KCNH5: variants seen among roughly 807,000 people sequenced by gnomAD.
The protein encoded by KCNH5 is voltage-gated delayed rectifier potassium channel KCNH5.
A neutral mutation model predicts 96.1 loss-of-function variants in KCNH5; 46 were observed. That is an observed-to-expected ratio of 0.48 (90% CI 0.38 to 0.61). The LOEUF is 0.61. KCNH5 is among the 20% of genes least tolerant of loss of function. The probability of loss-of-function intolerance (pLI) is 0.00; values close to 1 mark genes in which losing one functional copy is unlikely to be tolerated. For missense variants in KCNH5, 907 were observed against 1,225.8 expected, an observed-to-expected ratio of 0.74 and a Z score of 3.88; for synonymous variants, 439 against 449.8, an observed-to-expected ratio of 0.98 and a Z score of 0.30.
At chr14:62,790,068 C>CTT (rs35827048) in intron 9 of KCNH5, among the ~76,000 whole-genome samples, 16 of 148,172 alleles carry the variant, frequency 1.1e-4, no homozygotes, top group East Asian at 5.9e-4. Context: ...TTTGAGTTGA[C>CTT]TTTTTTTTTT....
chr14:63,018,950 G>T (rs931221942), intron 1 of KCNH5, among the ~76,000 whole-genome samples: 1 of 151,886 alleles, frequency 6.6e-6, no homozygotes, highest in Non-Finnish European at 1.5e-5. Flanking sequence ...TATTGGATTG[G>T]TTTAACAGCA....
At chr14:62,946,393 T>C (rs1294771061) in intron 7 of KCNH5, among the ~76,000 whole-genome samples, 1 of 152,174 alleles carries the variant, frequency 6.6e-6, no homozygotes, top group Non-Finnish European at 1.5e-5. Flanking sequence ...AAATTGAACA[T>C]ACACTTATCA....
At chr14:62,722,480 G>T (rs557644705) in intron 10 of KCNH5, among the ~76,000 whole-genome samples, 28 of 152,086 alleles carry the variant, frequency 1.8e-4, no homozygotes, top group African/African-American at 6.5e-4. Context: ...TCTAACCAAG[G>T]TTCATTGGAC....
intron 6 of KCNH5, among the ~76,000 whole-genome samples, chr14:62,955,719 T>A (rs1890091289): frequency 6.6e-6 from 1 of 152,182 alleles, no homozygotes; most frequent in South Asian, 2.1e-4. Context: ...CCTCTTTCCC[T>A]CCACTCAGTC....
intron 7 of KCNH5, 72 bp downstream of exon 7, chr14:62,950,061 A>T: frequency 7.4e-7 from 1 of 1,345,712 alleles, no homozygotes; most frequent in Non-Finnish European, 1.1e-6. Context: ...GTTCGTTTTC[A>T]TCCTATCTGA....
chr14:62,888,939 A>G (rs182776478), intron 7 of KCNH5, among the ~76,000 whole-genome samples: 2 of 152,336 alleles, frequency 1.3e-5, no homozygotes, highest in South Asian at 2.1e-4. Flanking sequence ...CTTAGCCACA[A>G]GAATATCTAA....
chr14:62,907,782 C>T (rs144205811), intron 7 of KCNH5, among the ~76,000 whole-genome samples: 18 of 152,284 alleles, frequency 1.2e-4, no homozygotes, highest in South Asian at 2.1e-4. Flanking sequence ...CTGGCTGGAG[C>T]GGCAAGTGAC....
intron 5 of KCNH5, 107 bp from the exon 6 acceptor site, chr14:62,981,371 C>T (rs1316490444): frequency 4.2e-5 from 45 of 1,071,734 alleles, no homozygotes; most frequent in Non-Finnish European, 5.4e-5. Context: ...GCTCCACAGT[C>T]TTGCCTCCCT....
chr14:62,942,207 T>A (rs368769148), intron 7 of KCNH5, among the ~76,000 whole-genome samples: 2 of 152,156 alleles, frequency 1.3e-5, no homozygotes, highest in Non-Finnish European at 2.9e-5. Context: ...GACAGGGGCA[T>A]AAATGCACCA....
chr14:62,999,926 T>G (rs1271286452), intron 4 of KCNH5, among the ~76,000 whole-genome samples: 6 of 151,868 alleles, frequency 4.0e-5, no homozygotes, highest in African/African-American at 1.2e-4. Context: ...GACTGTTCAA[T>G]TTAAAAGTAG....
intron 7 of KCNH5, among the ~76,000 whole-genome samples, chr14:62,879,921 G>T (rs769831479): frequency 7.2e-5 from 11 of 152,070 alleles, no homozygotes; most frequent in Non-Finnish European, 1.3e-4. Flanking sequence ...TAAATTTACA[G>T]AATTAAAGCA....
At chr14:62,908,782 A>ACTTTTT (rs71451284) in intron 7 of KCNH5, among the ~76,000 whole-genome samples, 10 of 23,716 alleles carry the variant, frequency 4.2e-4, no homozygotes, top group African/African-American at 1.6e-3. Context: ...TTTGCTTTGT[A>ACTTTTT]TTTTTTTTTT....
intron 8 of KCNH5, among the ~76,000 whole-genome samples, chr14:62,843,629 C>T (rs1887631067): frequency 6.6e-6 from 1 of 151,988 alleles, no homozygotes; most frequent in Non-Finnish European, 1.5e-5. Flanking sequence ...CCAGGATGGT[C>T]TCGATCTCCT....
chr14:62,711,091 T>A (rs1345181188), intron 10 of KCNH5, among the ~76,000 whole-genome samples: 1 of 152,168 alleles, frequency 6.6e-6, no homozygotes, highest in Non-Finnish European at 1.5e-5. Flanking sequence ...TCTTTGAATA[T>A]AATGGCTAAT....
chr14:62,959,096 C>T (rs1184155179), intron 6 of KCNH5, among the ~76,000 whole-genome samples: 1 of 152,058 alleles, frequency 6.6e-6, no homozygotes, highest in Non-Finnish European at 1.5e-5. Context: ...ACCCAACCTA[C>T]CTTAAAATCC....
chr14:62,882,188 C>T (rs1045850445), intron 7 of KCNH5, among the ~76,000 whole-genome samples: 7 of 150,842 alleles, frequency 4.6e-5, no homozygotes, highest in African/African-American at 1.5e-4. Flanking sequence ...GGCTTGGGCC[C>T]ACATGTTCAA....
At chr14:62,865,319 G>A (rs988196612) in intron 7 of KCNH5, among the ~76,000 whole-genome samples, 1 of 141,096 alleles carries the variant, frequency 7.1e-6, no homozygotes, top group Non-Finnish European at 1.5e-5. Flanking sequence ...GGTGAATAAG[G>A]GTAAAATGCT....
At chr14:62,783,294 C>T (rs981336435) in intron 9 of KCNH5, among the ~76,000 whole-genome samples, 22 of 152,182 alleles carry the variant, frequency 1.4e-4, no homozygotes, top group Non-Finnish European at 8.8e-5. Flanking sequence ...TTTATTTTGT[C>T]TTATAATTTG....
chr14:62,874,255 A>G (rs1227399359), intron 7 of KCNH5, among the ~76,000 whole-genome samples: 1 of 152,126 alleles, frequency 6.6e-6, no homozygotes, highest in Non-Finnish European at 1.5e-5. Flanking sequence ...CATAATATTG[A>G]CAAGAACTTA....
Sources: allele counts gnomAD v4.1 joint callset (sites outside exome capture counted in the v4.1 genomes callset), GRCh38; gene constraint gnomAD v4.1.1; transcripts MANE v1.5; gene names NCBI Gene and HGNC (gene_info 2026-07-23, HGNC 2026-07-21).